Variants in PTPRN2 observed in about 807,000 individuals in gnomAD.
PTPRN2 encodes the protein protein tyrosine phosphatase receptor type N2.
Under a neutral mutation model 118.8 loss-of-function variants are expected in PTPRN2, and 74 were observed. The observed-to-expected ratio is 0.62, with a 90% confidence interval of 0.52 to 0.76. PTPRN2 has a LOEUF of 0.76. Ranked by LOEUF, PTPRN2 falls within the 30% of genes least tolerant of loss-of-function variation. The pLI, the probability that PTPRN2 is intolerant of heterozygous loss-of-function variation, is 0.00. For synonymous variants in PTPRN2, 641 were observed against 608.0 expected (o/e 1.05, Z -0.80); for missense variants, 1,481 against 1,394.4 (o/e 1.06, Z -0.99).
chr7:158,547,763 C>T (rs867493153), intron 1 of PTPRN2, among the ~76,000 whole-genome samples: 1 of 152,206 alleles, frequency 6.6e-6, no homozygotes, highest in East Asian at 1.9e-4. Flanking sequence ...ATCAGCCCCC[C>T]ACCGTACCCC....
chr7:158,545,010 C>T (rs1411510552), intron 1 of PTPRN2, among the ~76,000 whole-genome samples: 2 of 152,190 alleles, frequency 1.3e-5, no homozygotes, highest in Non-Finnish European at 2.9e-5. Flanking sequence ...CCTCCCAGGC[C>T]CCCTCTGGAA....
chr7:157,662,277 G>C (rs1021485375), intron 13 of PTPRN2, among the ~76,000 whole-genome samples: 6 of 152,218 alleles, frequency 3.9e-5, no homozygotes, highest in African/African-American at 1.4e-4. Context: ...CACACCAGGT[G>C]ATTATTTGCT....
At chr7:157,962,708 G>A (rs1181065252) in intron 11 of PTPRN2, among the ~76,000 whole-genome samples, 1 of 152,184 alleles carries the variant, frequency 6.6e-6, no homozygotes, top group Non-Finnish European at 1.5e-5. Flanking sequence ...ACAAGCATAG[G>A]AAGGGTTCGT....
intron 1 of PTPRN2, among the ~76,000 whole-genome samples, chr7:158,510,450 CT>C: frequency 1.4e-5 from 1 of 70,378 alleles, no homozygotes; most frequent in Middle Eastern, 6.6e-3. Flanking sequence ...TTTACTCTCT[CT>C]CTCTCTCTCT....
rs1290986752 is a variant in PTPRN2, at chr7:158,102,896, C to T, written c.1643+7933G>A. 5.9e-5 allele frequency among the ~76,000 whole-genome samples: 9 copies of T among 152,214 alleles called. 1 individual carries two copies. Among genetic ancestry groups the T allele is most frequent in the East Asian group, 3.9e-4 (2 of 5,166 alleles). On this transcript the variant is annotated intron_variant, in intron 10 of 22. Transcript: ENST00000389418. ...CGGTGCAGGGAAGGCACTGCAGACC[C>T]GGGAGGACACACCCCCAGGACAGTA...
At chr7:158,092,467 G>T (rs1489149938) in intron 10 of PTPRN2, among the ~76,000 whole-genome samples, 3 of 151,710 alleles carry the variant, frequency 2.0e-5, no homozygotes, top group Non-Finnish European at 4.4e-5. Context: ...ATTGATAGGT[G>T]GGTGGTTTGG....
chr7:157,566,356 G>A (rs1222234246), intron 21 of PTPRN2, among the ~76,000 whole-genome samples: 1 of 152,244 alleles, frequency 6.6e-6, no homozygotes, highest in Non-Finnish European at 1.5e-5. Context: ...GGGGCCTCCA[G>A]CTTCTCAGGC....
intron 2 of PTPRN2, among the ~76,000 whole-genome samples, chr7:158,483,876 GC>G (rs1820810439): frequency 6.6e-6 from 1 of 152,146 alleles, no homozygotes; most frequent in Non-Finnish European, 1.5e-5. Context: ...AATGGCTCAT[GC>G]CTGTAATCCC....
At chr7:157,644,992 C>T (rs1804965135) in intron 14 of PTPRN2, among the ~76,000 whole-genome samples, 2 of 152,200 alleles carry the variant, frequency 1.3e-5, no homozygotes, top group African/African-American at 4.8e-5. Context: ...TTCTCTTTCT[C>T]CTTGGTCTTC....
intron 12 of PTPRN2, among the ~76,000 whole-genome samples, chr7:157,849,953 G>A (rs565094872): frequency 1.3e-5 from 2 of 152,366 alleles, no homozygotes; most frequent in East Asian, 3.9e-4. Flanking sequence ...GACGACATGA[G>A]ATAGCCAGGC....
intron 10 of PTPRN2, among the ~76,000 whole-genome samples, chr7:158,101,911 G>C (rs1470563680): frequency 6.6e-6 from 1 of 152,208 alleles, no homozygotes; most frequent in Non-Finnish European, 1.5e-5. Context: ...GGCCAAAGCA[G>C]TGAGCAGCGG....
intron 11 of PTPRN2, among the ~76,000 whole-genome samples, chr7:158,072,946 G>C (rs1268946592): frequency 6.6e-6 from 1 of 152,180 alleles, no homozygotes; most frequent in South Asian, 2.1e-4. Context: ...CCATAGGTAT[G>C]GCAGAGCAGG....
rs777897008 is a variant in PTPRN2 at position 158,189,272 on chromosome 7, G to A, written c.549+3055C>T. Reference sequence around the variant, plus strand: ...TACCCTCGAGGCGAATCCATGCTGCGCCTTGTCCCACAGGCAAATTCCATT... The same window carrying A: ...TACCCTCGAGGCGAATCCATGCTGCACCTTGTCCCACAGGCAAATTCCATT... On this transcript the variant is annotated intron_variant, in intron 5 of 22. Coordinates refer to ENST00000389418, the MANE Select transcript of PTPRN2 (RefSeq NM_002847.5). Among the ~76,000 whole-genome samples, 6 of 152,180 alleles carry A rather than the reference G, an allele frequency of 3.9e-5. No homozygotes were observed. The East Asian group carries it at 5.8e-4, about 15-fold the overall frequency.
intron 13 of PTPRN2, among the ~76,000 whole-genome samples, chr7:157,657,037 A>G (rs1795524193): frequency 6.9e-6 from 1 of 145,250 alleles, no homozygotes; most frequent in Non-Finnish European, 1.5e-5. Context: ...CACATCACAC[A>G]TATACACACA....
chr7:157,578,219 C>A, intron 17 of PTPRN2, 79 bp from the exon 18 acceptor site: 1 of 1,462,058 alleles, frequency 6.8e-7, no homozygotes, highest in Non-Finnish European at 9.2e-7. Flanking sequence ...CACTCGGAAG[C>A]ACAGTCCAAA....
At chr7:158,336,747 C>T (rs1214831155) in intron 2 of PTPRN2, among the ~76,000 whole-genome samples, 34 of 104,956 alleles carry the variant, frequency 3.2e-4, no homozygotes, top group African/African-American at 1.2e-3. Flanking sequence ...GCAGACGTCA[C>T]TCACACCCAC....
At chr7:158,458,542 C>A (rs1448969360) in intron 2 of PTPRN2, among the ~76,000 whole-genome samples, 1 of 152,156 alleles carries the variant, frequency 6.6e-6, no homozygotes, top group African/African-American at 2.4e-5. Context: ...CCCCACCCAA[C>A]AGCCCCATGA....
chr7:158,532,896 G>T, intron 1 of PTPRN2: 1 of 495,758 alleles, frequency 2.0e-6, no homozygotes. Context: ...CTCAGGGACG[G>T]CCAGGCTCCA....
At chr7:157,811,215 G>A (rs1325584294) in intron 12 of PTPRN2, among the ~76,000 whole-genome samples, 1 of 150,658 alleles carries the variant, frequency 6.6e-6, no homozygotes, top group African/African-American at 2.4e-5. Context: ...AGCTTGCAGT[G>A]AGCGGAGATC....
Sources: allele counts gnomAD v4.1 joint callset (sites outside exome capture counted in the v4.1 genomes callset), GRCh38; gene constraint gnomAD v4.1.1; transcripts MANE v1.5; gene names NCBI Gene and HGNC (gene_info 2026-07-23, HGNC 2026-07-21).